Variants in LPAR6 observed in about 807,000 individuals in gnomAD.
LPAR6 encodes the protein G-protein coupled purinergic receptor P2Y5.
A neutral mutation model predicts 22.0 loss-of-function variants in LPAR6; 17 were observed. The ratio of observed to expected loss-of-function variants is 0.77; its 90% CI spans 0.53 to 1.16. LPAR6 has a LOEUF of 1.16. Ranked by LOEUF, LPAR6 falls within the 50% of genes most tolerant of loss-of-function variation. The pLI, the probability that LPAR6 is intolerant of heterozygous loss-of-function variation, is 0.00. For missense variants in LPAR6, 384 were observed against 406.9 expected, an observed-to-expected ratio of 0.94 and a Z score of 0.48; for synonymous variants, 136 against 139.8, an observed-to-expected ratio of 0.97 and a Z score of 0.19.
upstream of LPAR6, among the ~76,000 whole-genome samples, chr13:48,431,497 G>A (rs1949129192): frequency 6.6e-6 from 1 of 152,156 alleles, no homozygotes. Flanking sequence ...CAAAGGTAAG[G>A]AAGAATTATT....
chr13:48,395,735 A>G lies in LPAR6; in HGVS notation n.115-5923T>C, dbSNP rs368179766. On this transcript the variant is annotated intron_variant and non_coding_transcript_variant, in intron 1 of 1. Coordinates refer to the LPAR6 transcript ENST00000462781. ...CTCCAAGAAATAGGGGACTATGTGA[A>G]AAGACCAAACCTATGTTTGATTGGT... 7.2e-5 allele frequency among the ~76,000 whole-genome samples: 11 copies of G among 152,342 alleles called. No homozygotes were observed. In the East Asian group the frequency reaches 1.7e-3, roughly 24 times the overall value.
Position 48,399,427 on chromosome 13 carries a change from T to C in LPAR6, n.115-9615A>G, listed in dbSNP as rs185070354. Among the ~76,000 whole-genome samples, 99 of 151,950 alleles carry C rather than the reference T, an allele frequency of 6.5e-4. 1 individual carries two copies. The East Asian group carries it at 9.1e-3, about 14-fold the overall frequency. ...TTTTAAGATAGATAAGCAGAAAGAA[T>C]ACAAACAAAAAAAGATAGTAATTTA... is the stretch of plus-strand genomic sequence containing the variant. On this transcript the variant is annotated intron_variant and non_coding_transcript_variant, in intron 1 of 1. Coordinates refer to the LPAR6 transcript ENST00000462781.
intron 1 of LPAR6, among the ~76,000 whole-genome samples, chr13:48,444,090 T>C (rs571798848): frequency 5.9e-5 from 9 of 152,250 alleles, no homozygotes; most frequent in African/African-American, 1.9e-4. Flanking sequence ...ATCCCACTGG[T>C]TGGGGTCTCA....
At chr13:48,429,215 A>G (rs1192303667), upstream of LPAR6, 1 of 152,208 alleles carries the variant, frequency 6.6e-6, no homozygotes, top group Non-Finnish European at 1.5e-5. Context: ...AAAATATTGT[A>G]GACTTAGATG....
At chr13:48,418,709 CAAA>C (rs1217781825) in intron 2 of LPAR6, among the ~76,000 whole-genome samples, 6 of 109,926 alleles carry the variant, frequency 5.5e-5, no homozygotes, top group Admixed American at 1.9e-4. Context: ...AAATGGAAAG[CAAA>C]AAAAAAAAAA....
chr13:48,408,042 A>G (rs968581697), downstream of LPAR6, among the ~76,000 whole-genome samples: 4 of 152,150 alleles, frequency 2.6e-5, no homozygotes, highest in African/African-American at 4.8e-5. Flanking sequence ...CTTGATAACT[A>G]TGTACCATTC....
intron 1 of LPAR6, among the ~76,000 whole-genome samples, chr13:48,436,325 G>A (rs1433702032): frequency 1.3e-5 from 2 of 152,116 alleles, no homozygotes; most frequent in African/African-American, 4.8e-5. Flanking sequence ...CAGAAATGTA[G>A]ACTTAGGAAT....
downstream of LPAR6, among the ~76,000 whole-genome samples, chr13:48,409,612 C>T (rs1220408288): frequency 2.6e-5 from 3 of 114,988 alleles, 1 homozygote; most frequent in African/African-American, 1.0e-4. Context: ...GATGGAGTCT[C>T]GCTCTGTCGC....
chr13:48,416,764 C>T (rs1450757216), upstream of LPAR6, among the ~76,000 whole-genome samples: 1 of 152,184 alleles, frequency 6.6e-6, no homozygotes, highest in African/African-American at 2.4e-5. Flanking sequence ...GGGCTTCTGC[C>T]ATTACTGAGG....
intron 1 of LPAR6, among the ~76,000 whole-genome samples, chr13:48,436,567 C>T (rs531143077): frequency 5.1e-4 from 78 of 152,086 alleles, no homozygotes; most frequent in East Asian, 3.9e-4. Context: ...CGCTTGAACC[C>T]GGGAGACGGA....
At chr13:48,429,510 T>C (rs949113727), upstream of LPAR6, 1 of 152,152 alleles carries the variant, frequency 6.6e-6, no homozygotes, top group Non-Finnish European at 1.5e-5. Context: ...TTTGCATTTT[T>C]CTGTCCTCAC....
chr13:48,391,852 C>T (rs966034423), intron 1 of LPAR6, among the ~76,000 whole-genome samples: 7 of 152,044 alleles, frequency 4.6e-5, no homozygotes, highest in African/African-American at 4.8e-5. Context: ...CTCCTGACCT[C>T]GTGATTTGCC....
chr13:48,418,210 G>C (rs111862682), intron 2 of LPAR6, among the ~76,000 whole-genome samples: 6 of 152,268 alleles, frequency 3.9e-5, no homozygotes, highest in African/African-American at 7.2e-5. Flanking sequence ...GGCCAGAAAA[G>C]AGTGGGGGCC....
chr13:48,438,537 A>G (rs1696805874), intron 1 of LPAR6, among the ~76,000 whole-genome samples: 2 of 151,260 alleles, frequency 1.3e-5, no homozygotes, highest in South Asian at 2.1e-4. Context: ...TTGTATTGCT[A>G]TTTTTTATTT....
At chr13:48,421,913 TTGG>T (rs1218363541) in intron 2 of LPAR6, among the ~76,000 whole-genome samples, 2 of 152,312 alleles carry the variant, frequency 1.3e-5, no homozygotes, top group South Asian at 2.1e-4. Flanking sequence ...TTTTACACTG[TTGG>T]TGGGAGTGTA....
chr13:48,406,803 C>G (rs1042780315), downstream of LPAR6: 3 of 152,264 alleles, frequency 2.0e-5, no homozygotes, highest in African/African-American at 7.2e-5. Flanking sequence ...CCTGTAGTCC[C>G]AGCTGCTTGA....
At chr13:48,392,439 T>C (rs531134105) in intron 1 of LPAR6, among the ~76,000 whole-genome samples, 2 of 152,314 alleles carry the variant, frequency 1.3e-5, no homozygotes, top group South Asian at 4.1e-4. Context: ...ATCTTTTTCC[T>C]GCAGGTTTTT....
chr13:48,407,771 A>G (rs1366044402), downstream of LPAR6, among the ~76,000 whole-genome samples: 2 of 152,148 alleles, frequency 1.3e-5, no homozygotes, highest in African/African-American at 2.4e-5. Flanking sequence ...CTTTTTAAAA[A>G]GTTTGTTTTT....
At chr13:48,413,509 C>T (rs1406857431), upstream of LPAR6, among the ~76,000 whole-genome samples, 2 of 152,160 alleles carry the variant, frequency 1.3e-5, no homozygotes, top group African/African-American at 4.8e-5. Context: ...GATATCTTAA[C>T]ATAGCATTTC....
Sources: gnomAD v4.1 joint callset for allele counts (sites outside exome capture counted in the v4.1 genomes callset) on GRCh38, gnomAD v4.1.1 for gene constraint, MANE v1.5 for transcripts, NCBI Gene and HGNC (gene_info 2026-07-23, HGNC 2026-07-21) for gene names.